ABCB4: variants seen among roughly 807,000 people sequenced by gnomAD.
ABCB4 encodes the protein phosphatidylcholine translocator ABCB4.
In ABCB4, 76 loss-of-function variants were observed where a neutral mutation model predicts 145.7. The ratio of observed to expected loss-of-function variants is 0.52; its 90% CI spans 0.43 to 0.63. The LOEUF (loss-of-function observed/expected upper bound fraction) is 0.63, where lower values mean the gene tolerates loss of function less well. Among genes scored for constraint, ABCB4 ranks in the 30% least tolerant of loss-of-function variants. ABCB4 has a pLI of 0.00. For missense variants in ABCB4, 1,234 were observed against 1,553.1 expected (o/e 0.79, Z 3.45); for synonymous variants, 517 against 566.8 (o/e 0.91, Z 1.25).
rs1554407511 is a variant in ABCB4 at position 87,443,749 on chromosome 7, C to A, written c.1144G>T (p.Glu382Ter). 1 of 1,613,612 alleles carries A rather than the reference C, an allele frequency of 6.2e-7. No individual in the cohort carries two copies. The highest frequency in any genetic ancestry group is 1.3e-5 in the African/African-American group (1 of 74,910). ...DNNPKIDSFS[E>*]RGHKPDSIKG... is the part of the protein sequence containing the mutation. ...ATGCTGTCTGGTTTGTGTCCTCTCTCTGAAAAACTGTCAATTTTAGGATTC... is the reference window on the plus strand; with the variant it reads ...ATGCTGTCTGGTTTGTGTCCTCTCTATGAAAAACTGTCAATTTTAGGATTC... The change falls in exon 11 of 28, where the codon GAG becomes TAG. Residue 382 changes from glutamate to a stop codon, truncating the protein, a stop_gained. Coordinates refer to ENST00000649586, the MANE Select transcript of ABCB4 (RefSeq NM_000443.4). LOFTEE classifies it high-confidence loss of function.
the ABCB4 span, among the ~76,000 whole-genome samples, chr7:87,370,271 A>T: frequency 3.4e-3 from 516 of 152,154 alleles, 5 homozygotes; most frequent in African/African-American, 0.012. Context: ...CACCCTCCAC[A>T]TTCCAGGTTC....
At chr7:87,425,865 G>A (rs1809766432) in intron 16 of ABCB4, among the ~76,000 whole-genome samples, 1 of 151,944 alleles carries the variant, frequency 6.6e-6, no homozygotes. Flanking sequence ...AACACAGCAA[G>A]ACCCTGTCTC....
chr7:87,427,454 T>C (rs1809917562), intron 15 of ABCB4, among the ~76,000 whole-genome samples: 1 of 152,194 alleles, frequency 6.6e-6, no homozygotes, highest in Admixed American at 6.5e-5. Context: ...GCCTCATTGC[T>C]GGCTGTGAGA....
intron 4 of ABCB4, among the ~76,000 whole-genome samples, chr7:87,462,150 C>T (rs951054227): frequency 6.6e-6 from 1 of 152,126 alleles, no homozygotes; most frequent in Non-Finnish European, 1.5e-5. Context: ...CAGGGCCTCT[C>T]GTATTGATAA....
chr7:87,408,053 G>A lies in ABCB4; in HGVS notation c.3263C>T (p.Pro1088Leu). The A allele has an allele frequency of 6.2e-7, 1 of 1,613,922 alleles. No individual in the cohort carries two copies. Among genetic ancestry groups the A allele is most frequent in the South Asian group, 1.1e-5 (1 of 91,070 alleles). Reference protein sequence around the residue: ...VVQLLERFYDPLAGTVLLDGQ... With the variant: ...VVQLLERFYDLLAGTVLLDGQ... ...TGTGCTCACCACTGTCCCCGCCAAG[G>A]GGTCGTAGAACCGCTCCAGGAGCTG... The change falls in exon 25 of 28, where the codon CCC becomes CTC. Residue 1088 changes from proline (P) to leucine (L), a missense_variant. Physicochemically the swap from Pro to Leu is moderately conservative, Grantham distance 98 (BLOSUM62 -3). Transcript: ENST00000649586.
chr7:87,406,769 C>T (rs1808228892), intron 25 of ABCB4, among the ~76,000 whole-genome samples: 1 of 152,206 alleles, frequency 6.6e-6, no homozygotes, highest in African/African-American at 2.4e-5. Context: ...CCTCCTCCAG[C>T]CATCTGTGTC....
chr7:87,366,733 C>T, the ABCB4 span, among the ~76,000 whole-genome samples: 1 of 152,214 alleles, frequency 6.6e-6, no homozygotes, highest in Admixed American at 6.5e-5. Context: ...TTTGCTACCT[C>T]TCCCCAGTAC....
chr7:87,467,029 G>T (rs559726181), intron 3 of ABCB4, among the ~76,000 whole-genome samples: 2 of 152,216 alleles, frequency 1.3e-5, no homozygotes, highest in East Asian at 3.9e-4. Context: ...ATAATGACAG[G>T]ATCAAATCCA....
Position 87,406,474 on chromosome 7 carries a change from T to C in ABCB4, c.3300A>G (p.Ala1100=). 1 of 1,614,014 alleles carries C rather than the reference T, an allele frequency of 6.2e-7. No homozygotes were observed. Among genetic ancestry groups the C allele is most frequent in the South Asian group, 1.1e-5 (1 of 91,050 alleles). ...TGAGCCACTGGACATTGAGTTTCTT[T>C]GCTTCTTGACCATCGAGAAGCTGAA... ...AGTVLLDGQE[A]KKLNVQWLRA... Residue 1100 remains alanine (A), a synonymous_variant, in exon 26 of 28, where the codon GCA becomes GCG. Transcript: ENST00000649586.
the ABCB4 span, among the ~76,000 whole-genome samples, chr7:87,387,949 C>G: frequency 6.6e-6 from 1 of 152,176 alleles, no homozygotes; most frequent in Non-Finnish European, 1.5e-5. Flanking sequence ...AAGACTTTGG[C>G]ACCATTGAGT....
the ABCB4 span, among the ~76,000 whole-genome samples, chr7:87,394,771 C>T: frequency 6.6e-6 from 1 of 151,902 alleles, no homozygotes; most frequent in Non-Finnish European, 1.5e-5. Flanking sequence ...TATTATATGA[C>T]AACTTTACAG....
Position 87,419,902 on chromosome 7 carries a change from A to G in ABCB4, c.2394+96T>C, listed in dbSNP as rs560316959. ...ATCCTTGCGTGAATACCCTGGGGGG[A>G]AAACATGCATATCGACATAACAATA... On this transcript the variant is annotated intron_variant, in intron 19 of 27. Coordinates refer to ENST00000649586, the MANE Select transcript of ABCB4 (RefSeq NM_000443.4). 7.3e-4 allele frequency: 967 copies of G among 1,319,574 alleles called. 3 individuals carry two copies. The highest frequency in any genetic ancestry group is 1.1e-3 in the South Asian group (94 of 84,850). 81.7% of individuals were successfully genotyped at this position (1,319,574 alleles called of 1,614,324 possible).
chr7:87,470,688 G>C (rs1288599929), intron 3 of ABCB4, among the ~76,000 whole-genome samples: 1 of 152,182 alleles, frequency 6.6e-6, no homozygotes, highest in Non-Finnish European at 1.5e-5. Context: ...ACACCAGTTA[G>C]AATGGCAATC....
chr7:87,367,742 T>C, the ABCB4 span, among the ~76,000 whole-genome samples: 1 of 152,326 alleles, frequency 6.6e-6, no homozygotes, highest in South Asian at 2.1e-4. Context: ...TATCAGTTTT[T>C]TTCTTTACTT....
At chr7:87,433,846 T>C (rs1810419855) in intron 14 of ABCB4, among the ~76,000 whole-genome samples, 1 of 152,088 alleles carries the variant, frequency 6.6e-6, no homozygotes, top group South Asian at 2.1e-4. Context: ...ACTAATCTAC[T>C]AGCCTTTCTG....
At chr7:87,382,068 T>G in the ABCB4 span, 1 of 1,601,912 alleles carries the variant, frequency 6.2e-7, no homozygotes, top group Non-Finnish European at 8.5e-7. Flanking sequence ...TCTTCCCTAT[T>G]TTCAGGGTTC....
intron 16 of ABCB4, 100 bp from the exon 17 acceptor site, chr7:87,424,152 A>G (rs1051061919): frequency 7.0e-7 from 1 of 1,434,544 alleles, no homozygotes; most frequent in East Asian, 2.3e-5. Context: ...AGGGACTCGC[A>G]AACTAGGTGC....
At chr7:87,469,942 G>A (rs1371176612) in intron 3 of ABCB4, among the ~76,000 whole-genome samples, 1 of 152,232 alleles carries the variant, frequency 6.6e-6, no homozygotes, top group Non-Finnish European at 1.5e-5. Context: ...CAAAGCTGGA[G>A]GCATCATGCT....
the ABCB4 span, chr7:87,369,292 C>T: frequency 3.9e-6 from 3 of 777,004 alleles, no homozygotes; most frequent in Non-Finnish European, 6.3e-6. Context: ...GGAAGAATGC[C>T]TACTTTTCTT....
Sources: gnomAD v4.1 joint callset for allele counts (sites outside exome capture counted in the v4.1 genomes callset) on GRCh38, gnomAD v4.1.1 for gene constraint, MANE v1.5 for transcripts, NCBI Gene and HGNC (gene_info 2026-07-23, HGNC 2026-07-21) for gene names.